PDE10A: variants seen among roughly 807,000 people sequenced by gnomAD.
PDE10A encodes the protein cAMP and cAMP-inhibited cGMP 3',5'-cyclic phosphodiesterase 10A.
A neutral mutation model predicts 97.7 loss-of-function variants in PDE10A; 39 were observed. The observed-to-expected ratio is 0.40, with a 90% confidence interval of 0.31 to 0.52. The LOEUF (loss-of-function observed/expected upper bound fraction) is 0.52, where lower values mean the gene tolerates loss of function less well. Ranked by LOEUF, PDE10A falls within the 20% of genes least tolerant of loss-of-function variation. The pLI, the probability that PDE10A is intolerant of heterozygous loss-of-function variation, is 0.56. For synonymous variants in PDE10A, 371 were observed against 376.8 expected, an observed-to-expected ratio of 0.98 and a Z score of 0.18; for missense variants, 731 against 1,047.8, an observed-to-expected ratio of 0.70 and a Z score of 4.17.
intron 1 of PDE10A, among the ~76,000 whole-genome samples, chr6:165,826,558 T>C (rs1583154828): frequency 6.8e-6 from 1 of 147,488 alleles, no homozygotes; most frequent in South Asian, 2.3e-4. Flanking sequence ...TCTCTCTCTC[T>C]CCCACGCTCC....
chr6:165,482,360 A>T lies in PDE10A; in HGVS notation c.995-17T>A. 1 of 1,593,684 alleles carries T rather than the reference A, an allele frequency of 6.3e-7. No homozygotes were observed. The highest frequency in any genetic ancestry group is 8.6e-7 in the Non-Finnish European group (1 of 1,161,728). The stretch of plus-strand genomic sequence containing the variant: ...CTGATTCATCTGGGGATAGAGAAGG[A>T]AGAGGGAAAAACACAATTAGCGACT... On this transcript the variant is annotated splice_polypyrimidine_tract_variant and intron_variant, in intron 2 of 21. Transcript: ENST00000539869.
chr6:165,439,537 C>T (rs1416689909), intron 5 of PDE10A, among the ~76,000 whole-genome samples: 1 of 152,200 alleles, frequency 6.6e-6, no homozygotes, highest in African/African-American at 2.4e-5. Flanking sequence ...CCCTCCACCT[C>T]TCAACTAGCA....
chr6:165,845,397 G>A (rs912200911), intron 1 of PDE10A, among the ~76,000 whole-genome samples: 1 of 152,178 alleles, frequency 6.6e-6, no homozygotes, highest in African/African-American at 2.4e-5. Context: ...CCAAAATGTC[G>A]AAGGTCAAGG....
chr6:165,971,408 C>A (rs1583374540), intron 1 of PDE10A, among the ~76,000 whole-genome samples: 1 of 152,218 alleles, frequency 6.6e-6, no homozygotes, highest in East Asian at 1.9e-4. Context: ...CACTTAAGGG[C>A]TCATGCCACA....
intron 1 of PDE10A, among the ~76,000 whole-genome samples, chr6:165,854,407 T>C (rs914116541): frequency 6.6e-6 from 1 of 151,826 alleles, no homozygotes; most frequent in Non-Finnish European, 1.5e-5. Flanking sequence ...ACCAGGTGCG[T>C]TTTGGAAATT....
At chr6:165,902,963 T>A (rs1484407682) in intron 1 of PDE10A, among the ~76,000 whole-genome samples, 1 of 152,230 alleles carries the variant, frequency 6.6e-6, no homozygotes, top group East Asian at 1.9e-4. Flanking sequence ...CTTTTATATG[T>A]GGCCTATTTG....
intron 1 of PDE10A, among the ~76,000 whole-genome samples, chr6:165,951,848 GC>G (rs1241522631): frequency 6.6e-6 from 1 of 152,146 alleles, no homozygotes; most frequent in Non-Finnish European, 1.5e-5. Flanking sequence ...CATTCAACAA[GC>G]TTTTACTGGG....
At chr6:165,910,800 A>T (rs1168873741) in intron 1 of PDE10A, 1 of 152,208 alleles carries the variant, frequency 6.6e-6, no homozygotes, top group Non-Finnish European at 1.5e-5. Flanking sequence ...CTTTGGAATC[A>T]AGCCCACCTG....
intron 1 of PDE10A, among the ~76,000 whole-genome samples, chr6:165,772,090 T>G (rs1778027292): frequency 6.6e-6 from 1 of 152,170 alleles, no homozygotes; most frequent in South Asian, 2.1e-4. Flanking sequence ...CGTATTTCCG[T>G]GAAACTAAAA....
chr6:165,516,753 T>C (rs1781833750), intron 2 of PDE10A, among the ~76,000 whole-genome samples: 1 of 152,202 alleles, frequency 6.6e-6, no homozygotes, highest in Non-Finnish European at 1.5e-5. Flanking sequence ...TTTTAACAAA[T>C]AATCATAAAT....
intron 2 of PDE10A, among the ~76,000 whole-genome samples, chr6:165,542,964 A>T (rs1008517602): frequency 6.6e-6 from 1 of 152,130 alleles, no homozygotes; most frequent in Non-Finnish European, 1.5e-5. Flanking sequence ...CAAATCTTCT[A>T]GAGTCTGAGT....
chr6:165,354,674 C>T (rs1782910822), intron 18 of PDE10A, among the ~76,000 whole-genome samples: 1 of 152,202 alleles, frequency 6.6e-6, no homozygotes, highest in African/African-American at 2.4e-5. Context: ...ACATGGGAAG[C>T]AAACCCAAAT....
chr6:165,718,757 A>T (rs1792090033), intron 1 of PDE10A, among the ~76,000 whole-genome samples: 1 of 152,310 alleles, frequency 6.6e-6, no homozygotes, highest in East Asian at 1.9e-4. Context: ...CCCTCACCAT[A>T]GTTTCCAATC....
At chr6:165,612,295 C>T (rs879499424) in intron 1 of PDE10A, among the ~76,000 whole-genome samples, 31 of 152,146 alleles carry the variant, frequency 2.0e-4, no homozygotes, top group Non-Finnish European at 1.6e-4. Context: ...TATAAGCAAA[C>T]ATCAGGAATG....
chr6:165,645,434 C>T (rs1789345229), intron 1 of PDE10A, among the ~76,000 whole-genome samples: 1 of 152,170 alleles, frequency 6.6e-6, no homozygotes, highest in South Asian at 2.1e-4. Context: ...CGTCTTTCTT[C>T]AAGGGAAACT....
intron 2 of PDE10A, among the ~76,000 whole-genome samples, chr6:165,486,536 C>T (rs954895192): frequency 6.6e-6 from 1 of 152,176 alleles, no homozygotes; most frequent in East Asian, 1.9e-4. Flanking sequence ...GAACAACGTT[C>T]AGCAGAATGT....
chr6:165,636,998 A>T (rs775295560), intron 1 of PDE10A, among the ~76,000 whole-genome samples: 72 of 152,324 alleles, frequency 4.7e-4, no homozygotes, highest in South Asian at 1.7e-3. Flanking sequence ...TCATCATGGA[A>T]ATGAAAGAGC....
At chr6:165,762,387 T>C (rs1190495242) in intron 1 of PDE10A, among the ~76,000 whole-genome samples, 1 of 152,080 alleles carries the variant, frequency 6.6e-6, no homozygotes, top group Non-Finnish European at 1.5e-5. Flanking sequence ...ACCAAACCCC[T>C]AGCATTTCAG....
At chr6:165,946,053 C>T (rs1485899292) in intron 1 of PDE10A, among the ~76,000 whole-genome samples, 1 of 120,468 alleles carries the variant, frequency 8.3e-6, no homozygotes, top group African/African-American at 4.0e-5. Context: ...GTTGCCTGTG[C>T]TTTTGGGGTC....
Sources: allele counts gnomAD v4.1 joint callset (sites outside exome capture counted in the v4.1 genomes callset), GRCh38; gene constraint gnomAD v4.1.1; transcripts MANE v1.5; gene names NCBI Gene and HGNC (gene_info 2026-07-23, HGNC 2026-07-21).